The following RBBP4 variants were observed in gnomAD, a reference collection of about 807,000 sequenced individuals.
RBBP4 encodes the protein histone-binding protein RBBP4.
Under a neutral mutation model 57.2 loss-of-function variants are expected in RBBP4, and 3 were observed. The ratio of observed to expected loss-of-function variants is 0.05; its 90% confidence interval spans 0.02 to 0.14. The LOEUF (loss-of-function observed/expected upper bound fraction) is 0.14, where lower values mean the gene tolerates loss of function less well. RBBP4 is among the 10% of genes least tolerant of loss of function. RBBP4 has a pLI of 1.00. For synonymous variants in RBBP4, 151 were observed against 171.5 expected (o/e 0.88, Z 0.93); for missense variants, 107 against 520.6 (o/e 0.21, Z 7.73).
intron 8 of RBBP4, among the ~76,000 whole-genome samples, chr1:32,670,407 G>A (rs1648820506): frequency 6.6e-6 from 1 of 152,042 alleles, no homozygotes; most frequent in Admixed American, 6.6e-5. Context: ...GGAACGCTAA[G>A]CATGTGGGAG....
intron 11 of RBBP4, chr1:32,673,470 CT>C: frequency 2.4e-6 from 1 of 423,468 alleles, no homozygotes; most frequent in Non-Finnish European, 4.6e-6. Context: ...TGGTCTCTCA[CT>C]TTTTCACCCA....
At chr1:32,667,311 G>A (rs1648696082) in intron 3 of RBBP4, among the ~76,000 whole-genome samples, 1 of 152,170 alleles carries the variant, frequency 6.6e-6, no homozygotes, top group African/African-American at 2.4e-5. Context: ...TGATCCTTCT[G>A]ATAAGTGCAT....
intron 3 of RBBP4, among the ~76,000 whole-genome samples, chr1:32,667,854 A>G (rs774403242): frequency 1.3e-5 from 2 of 152,202 alleles, no homozygotes; most frequent in African/African-American, 2.4e-5. Flanking sequence ...TAGATTACCT[A>G]TAATACCTAA....
In RBBP4 at chr1:32,680,061, A is replaced by C; in HGVS notation, c.*356A>C. ...TAGAGTGAGTAAGGAATAGAGCCAA[A>C]TGAGGTAGGTGTCTGAGCCATGAAG... On this transcript the variant is annotated 3_prime_UTR_variant, in exon 12 of 12. Transcript: ENST00000373493. 9.3e-7 allele frequency: 1 copy of C among 1,077,962 alleles called. No homozygotes were observed. 66.8% of individuals were successfully genotyped at this position (1,077,962 alleles called of 1,614,324 possible). A position where few individuals can be genotyped will look rare whatever the true frequency, so the allele number is the denominator to read the frequency against.
Position 32,672,339 on chromosome 1 carries a change from C to T in RBBP4, c.967-111C>T. 6 of 832,988 alleles carry T rather than the reference C, an allele frequency of 7.2e-6. No homozygotes were observed. The South Asian group carries it at 7.5e-5, about 10-fold the overall frequency. 51.6% of individuals were successfully genotyped at this position (832,988 alleles called of 1,614,324 possible). Reference sequence around the variant, plus strand: ...AACTGTAACGTGTATAATACCTTGACTTCCTCTTCCCTTTTATTTACAAAA... The same window carrying T: ...AACTGTAACGTGTATAATACCTTGATTTCCTCTTCCCTTTTATTTACAAAA... On this transcript the variant is annotated intron_variant, in intron 8 of 11. Coordinates refer to ENST00000373493, the MANE Select transcript of RBBP4 (RefSeq NM_005610.3).
chr1:32,681,851 T>C lies in RBBP4; in HGVS notation c.*2146T>C. 1 of 1,614,172 alleles carries C rather than the reference T, an allele frequency of 6.2e-7. No individual in the cohort carries two copies. The highest frequency in any genetic ancestry group is 8.5e-7 in the Non-Finnish European group (1 of 1,180,006). The stretch of plus-strand genomic sequence containing the variant: ...GGTTACAGATTTGGCCATATATTTC[T>C]AAACAGCCCCTGTAAAGTTGAAAGA... On this transcript the variant is annotated 3_prime_UTR_variant, in exon 12 of 12. Transcript: ENST00000373493.
intron 11 of RBBP4, among the ~76,000 whole-genome samples, chr1:32,676,942 C>CA (rs199664132): frequency 3.9e-4 from 58 of 147,832 alleles, no homozygotes; most frequent in African/African-American, 4.7e-4. Context: ...GACCCTGTCT[C>CA]AAAAAAAAAA....
chr1:32,678,552 T>C (rs916355027), intron 11 of RBBP4, among the ~76,000 whole-genome samples: 3 of 125,402 alleles, frequency 2.4e-5, no homozygotes, highest in African/African-American at 8.5e-5. Flanking sequence ...AATAAAATCC[T>C]AAAGTATGTG....
chr1:32,680,885 G>C lies in RBBP4; in HGVS notation c.*1180G>C. On this transcript the variant is annotated 3_prime_UTR_variant, in exon 12 of 12. Coordinates refer to ENST00000373493, the MANE Select transcript of RBBP4 (RefSeq NM_005610.3). ...ACAGATTAGTCTTTGATAAGGTAAC[G>C]TTTCTTTGAAGTCTATCTGTAGAGA... 7.9e-6 allele frequency: 2 copies of C among 252,742 alleles called. No homozygotes were observed. The highest frequency in any genetic ancestry group is 1.5e-5 in the Non-Finnish European group (2 of 133,868). The allele number at this position is 252,742 out of a possible 1,614,324, so 15.7% of individuals were successfully genotyped here.
chr1:32,678,971 T>G (rs1008145816), intron 11 of RBBP4, among the ~76,000 whole-genome samples: 1 of 152,078 alleles, frequency 6.6e-6, no homozygotes, highest in African/African-American at 2.4e-5. Flanking sequence ...GATGGATATT[T>G]GGGTTGTTTT....
intron 3 of RBBP4, among the ~76,000 whole-genome samples, chr1:32,658,948 TAC>T (rs1426383875): frequency 1.9e-4 from 1 of 5,322 alleles, no homozygotes; most frequent in African/African-American, 2.2e-4. Flanking sequence ...TATATAAACA[TAC>T]GTATATATGT....
chr1:32,661,740 C>T (rs949297488), intron 3 of RBBP4, among the ~76,000 whole-genome samples: 2 of 151,640 alleles, frequency 1.3e-5, no homozygotes, highest in Non-Finnish European at 2.9e-5. Flanking sequence ...GCCATTCTGA[C>T]TGGTGTGAGA....
chr1:32,679,094 C>T (rs1259539663), intron 11 of RBBP4, among the ~76,000 whole-genome samples: 3 of 152,054 alleles, frequency 2.0e-5, no homozygotes, highest in Non-Finnish European at 4.4e-5. Flanking sequence ...ATCAGGAGTT[C>T]GAGACCAGCC....
intron 11 of RBBP4, among the ~76,000 whole-genome samples, chr1:32,677,474 A>AC (rs565352701): frequency 6.7e-6 from 1 of 149,882 alleles, no homozygotes; most frequent in South Asian, 2.2e-4. Flanking sequence ...TTTATTTAAA[A>AC]AAAAAAACAA....
chr1:32,681,885 A>C lies in RBBP4; in HGVS notation c.*2180A>C. 1 of 1,605,434 alleles carries C rather than the reference A, an allele frequency of 6.2e-7. No individual in the cohort carries two copies. On this transcript the variant is annotated 3_prime_UTR_variant, in exon 12 of 12. Coordinates refer to ENST00000373493, the MANE Select transcript of RBBP4 (RefSeq NM_005610.3). ...CCTGTAAAGTTGAAAGAAAAAGTTT[A>C]TAACAGTGAACTTCTGAGGTTTAGT...
chr1:32,657,243 T>C (rs1312845454), intron 2 of RBBP4, among the ~76,000 whole-genome samples, 184 bp from the exon 3 acceptor site: 1 of 152,172 alleles, frequency 6.6e-6, no homozygotes, highest in Non-Finnish European at 1.5e-5. Context: ...ACCACTCCAT[T>C]CTAGCCTGGG....
chr1:32,658,695 C>T (rs967147152), intron 3 of RBBP4, among the ~76,000 whole-genome samples: 4 of 151,822 alleles, frequency 2.6e-5, no homozygotes, highest in African/African-American at 9.7e-5. Context: ...TACAGGCATG[C>T]ACCACCACGC....
rs1474031405 is a variant in RBBP4, at chr1:32,685,906, C to T, written c.*6201C>T. The T allele has an allele frequency of 1.3e-5, 2 of 152,194 alleles. No homozygotes were observed. Among genetic ancestry groups the T allele is most frequent in the Non-Finnish European group, 2.9e-5 (2 of 68,046 alleles). The allele number at this position is 152,194 out of a possible 1,614,324, so 9.4% of individuals were successfully genotyped here. A position where few individuals can be genotyped will look rare whatever the true frequency, so the allele number is the denominator to read the frequency against. On this transcript the variant is annotated 3_prime_UTR_variant, in exon 12 of 12. Transcript: ENST00000373493. ...ACTTTACAATCAACTCAAAATCCTT[C>T]AAAGGCTTTCCACTTTCTTTAGTGG...
In RBBP4 at chr1:32,675,774, A is replaced by T. The variant is rs151170327; in HGVS notation, c.1212+2873A>T. Among the ~76,000 whole-genome samples, 852 of 152,008 alleles carry T rather than the reference A, an allele frequency of 5.6e-3. 8 individuals carry two copies. Among genetic ancestry groups the T allele is most frequent in the African/African-American group, 0.02 (813 of 41,468 alleles). Reference sequence around the variant, plus strand: ...ACAGGGCGAGACTCTGTCTCAAAAAAAATAATAAAAATAAATTTAAAAAGT... The same window carrying T: ...ACAGGGCGAGACTCTGTCTCAAAAATAATAATAAAAATAAATTTAAAAAGT... On this transcript the variant is annotated intron_variant, in intron 11 of 11. Coordinates refer to ENST00000373493, the MANE Select transcript of RBBP4 (RefSeq NM_005610.3).
Sources: gnomAD v4.1 joint callset for allele counts (sites outside exome capture counted in the v4.1 genomes callset) on GRCh38, gnomAD v4.1.1 for gene constraint, MANE v1.5 for transcripts, NCBI Gene and HGNC (gene_info 2026-07-23, HGNC 2026-07-21) for gene names.